HDAC9: variants seen among roughly 807,000 people sequenced by gnomAD.
HDAC9 encodes the protein histone deacetylase 9.
Under a neutral mutation model 139.4 loss-of-function variants are expected in HDAC9, and 41 were observed. That is an observed-to-expected ratio of 0.29 (90% CI 0.23 to 0.38). HDAC9 has a LOEUF of 0.38. HDAC9 is among the 10% of genes least tolerant of loss of function. The pLI is 1.00. For missense variants in HDAC9, 1,147 were observed against 1,297.0 expected, an observed-to-expected ratio of 0.88 and a Z score of 1.78; for synonymous variants, 517 against 476.2, an observed-to-expected ratio of 1.09 and a Z score of -1.12.
chr7:18,311,849 G>A (rs1799340781), intron 1 of HDAC9, among the ~76,000 whole-genome samples: 1 of 152,192 alleles, frequency 6.6e-6, no homozygotes. Flanking sequence ...CCATTTGAAG[G>A]CATCCTTTTA....
intron 22 of HDAC9, chr7:18,892,483 T>C (rs1190155689): frequency 6.6e-6 from 1 of 152,184 alleles, no homozygotes; most frequent in Non-Finnish European, 1.5e-5. Context: ...TAGTGGAATA[T>C]ACTTTCTGTC....
intron 2 of HDAC9, among the ~76,000 whole-genome samples, chr7:18,501,929 C>T (rs1486188620): frequency 1.3e-5 from 2 of 152,168 alleles, no homozygotes; most frequent in Admixed American, 6.6e-5. Context: ...ACAAGTAGGA[C>T]ATTTATCATG....
At chr7:18,162,469 C>A in intron 2 of HDAC9, 1 of 878,108 alleles carries the variant, frequency 1.1e-6, no homozygotes, top group Non-Finnish European at 1.7e-6. Context: ...ACAAAGATTG[C>A]TTAATGTAAC....
At chr7:18,143,266 G>T (rs1427639365) in intron 1 of HDAC9, among the ~76,000 whole-genome samples, 1 of 152,154 alleles carries the variant, frequency 6.6e-6, no homozygotes, top group Non-Finnish European at 1.5e-5. Context: ...ATTCTTCAAA[G>T]AAATCAGGAA....
intron 2 of HDAC9, among the ~76,000 whole-genome samples, chr7:18,250,635 A>G (rs1794859359): frequency 6.6e-6 from 1 of 152,222 alleles, no homozygotes; most frequent in South Asian, 2.1e-4. Flanking sequence ...CAAATGAGTT[A>G]CCACGCAAAT....
Position 18,997,949 on chromosome 7 carries a change from G to T in HDAC9, c.*1887G>T, listed in dbSNP as rs1035926333. On this transcript the variant is annotated 3_prime_UTR_variant, in exon 26 of 26. Transcript: ENST00000686413. Reference sequence around the variant, plus strand: ...ATTAGGTAAAAATTGCTTTCATTGCGTAAGGGCAAATTCAGTCTAGATTCA... The same window carrying T: ...ATTAGGTAAAAATTGCTTTCATTGCTTAAGGGCAAATTCAGTCTAGATTCA... 6.6e-6 allele frequency: 1 copy of T among 152,024 alleles called. No homozygotes were observed. Among genetic ancestry groups the T allele is most frequent in the East Asian group, 1.9e-4 (1 of 5,194 alleles). 9.4% of individuals were successfully genotyped at this position (152,024 alleles called of 1,614,324 possible). A position where few individuals can be genotyped will look rare whatever the true frequency, so the allele number is the denominator to read the frequency against.
chr7:18,790,448 G>A (rs10950703), intron 16 of HDAC9, among the ~76,000 whole-genome samples: 123,961 of 152,100 alleles, frequency 0.81, 51,143 homozygotes, highest in Non-Finnish European at 0.85. Context: ...GCAAGCCAAG[G>A]GGAGAGTCCT....
intron 6 of HDAC9, among the ~76,000 whole-genome samples, chr7:18,602,539 T>G (rs560577971): frequency 7.9e-5 from 12 of 152,056 alleles, no homozygotes; most frequent in Non-Finnish European, 1.5e-4. Flanking sequence ...AAGTGGAAGC[T>G]CAGATTATTC....
upstream of HDAC9, among the ~76,000 whole-genome samples, chr7:18,491,865 C>G (rs1291518719): frequency 6.6e-6 from 1 of 151,916 alleles, no homozygotes; most frequent in Non-Finnish European, 1.5e-5. Context: ...ACCTAATCCA[C>G]TCAAACTCAC....
chr7:18,399,379 A>G (rs542227176), intron 1 of HDAC9, among the ~76,000 whole-genome samples: 100 of 152,322 alleles, frequency 6.6e-4, no homozygotes, highest in South Asian at 3.5e-3. Context: ...TTTCTGGTAC[A>G]GTAACGAAAA....
intron 1 of HDAC9, among the ~76,000 whole-genome samples, chr7:18,347,754 C>G (rs1039656743): frequency 6.6e-6 from 1 of 151,864 alleles, no homozygotes; most frequent in African/African-American, 2.4e-5. Context: ...TATGCCACCA[C>G]GCCCGGCTAA....
intron 2 of HDAC9, among the ~76,000 whole-genome samples, chr7:18,550,754 A>G (rs1473952735): frequency 2.0e-5 from 3 of 152,330 alleles, no homozygotes; most frequent in Admixed American, 6.5e-5. Context: ...AAGAAACAGC[A>G]GGGAGATCAG....
intron 12 of HDAC9, among the ~76,000 whole-genome samples, chr7:18,696,758 G>A (rs1023452654): frequency 9.2e-5 from 14 of 152,208 alleles, no homozygotes; most frequent in Admixed American, 5.9e-4. Flanking sequence ...GTGAGCCACC[G>A]TGCCCAGCCA....
At chr7:18,105,989 C>T (rs538276752) in intron 1 of HDAC9, among the ~76,000 whole-genome samples, 1 of 152,204 alleles carries the variant, frequency 6.6e-6, no homozygotes, top group South Asian at 2.1e-4. Context: ...AGGCCACATG[C>T]TATTTTATTC....
At chr7:18,224,362 G>C (rs1361517536) in intron 2 of HDAC9, among the ~76,000 whole-genome samples, 1 of 152,134 alleles carries the variant, frequency 6.6e-6, no homozygotes, top group Non-Finnish European at 1.5e-5. Context: ...TTCTTGGTTG[G>C]TTCAAATTCT....
At chr7:18,668,376 T>A (rs1311827352) in intron 12 of HDAC9, 270 of 931,558 alleles carry the variant, frequency 2.9e-4, no homozygotes, top group Non-Finnish European at 3.3e-4. Context: ...AATTGTATAT[T>A]TTTTCCATCT....
chr7:18,128,155 G>T (rs1300130620), intron 1 of HDAC9, among the ~76,000 whole-genome samples: 1 of 151,992 alleles, frequency 6.6e-6, no homozygotes, highest in African/African-American at 2.4e-5. Context: ...TATGTTCTCT[G>T]CCCAAACTCT....
At chr7:18,967,505 C>CA (rs1783945559) in intron 24 of HDAC9, among the ~76,000 whole-genome samples, 2 of 136,944 alleles carry the variant, frequency 1.5e-5, no homozygotes, top group African/African-American at 5.5e-5. Context: ...TGCCCCCCCC[C>CA]CAAAAAAAAA....
intron 2 of HDAC9, among the ~76,000 whole-genome samples, chr7:18,564,041 T>C (rs1210672790): frequency 1.3e-5 from 2 of 152,112 alleles, no homozygotes; most frequent in East Asian, 3.8e-4. Context: ...TTCACCATGT[T>C]GGCCAGGATG....
Sources: gnomAD v4.1 joint callset for allele counts (sites outside exome capture counted in the v4.1 genomes callset) on GRCh38, gnomAD v4.1.1 for gene constraint, MANE v1.5 for transcripts, NCBI Gene and HGNC (gene_info 2026-07-23, HGNC 2026-07-21) for gene names.